COL5A1: variants seen among roughly 807,000 people sequenced by gnomAD.
COL5A1 encodes collagen alpha-1(V) chain.
In COL5A1, 16 loss-of-function variants were observed where a neutral mutation model predicts 263.7. The observed-to-expected ratio is 0.06, with a 90% CI of 0.04 to 0.09. The LOEUF (loss-of-function observed/expected upper bound fraction) is 0.09. Among genes scored for constraint, COL5A1 ranks in the 10% least tolerant of loss-of-function variants. The pLI, the probability that COL5A1 is intolerant of heterozygous loss-of-function variation, is 1.00. For missense variants in COL5A1, 2,036 were observed against 2,540.5 expected (o/e 0.80, Z 4.27); for synonymous variants, 1,012 against 1,004.5 (o/e 1.01, Z -0.14).
intron 4 of COL5A1, among the ~76,000 whole-genome samples, chr9:134,724,854 C>T (rs1025904103): frequency 7.9e-5 from 12 of 152,072 alleles, no homozygotes; most frequent in African/African-American, 2.2e-4. Context: ...GTGAAGGTTC[C>T]GATGAACCAG....
At position 134,700,204 on chromosome 9, in the gene COL5A1, C is replaced by T. The variant is rs534959725; in HGVS notation, c.491+82C>T. 4.5e-6 allele frequency: 6 copies of T among 1,334,294 alleles called. No homozygotes were observed. In the Admixed American group the frequency reaches 9.2e-5, roughly 20 times the overall value. 82.7% of individuals were successfully genotyped at this position (1,334,294 alleles called of 1,614,324 possible). On this transcript the variant is annotated intron_variant, in intron 3 of 65. Coordinates refer to ENST00000371817, the MANE Select transcript of COL5A1 (RefSeq NM_000093.5). This position sits in a 1 kb window ranked among gnomAD's most constrained non-coding sequence, Gnocchi z 4.0. ...CATACCACTGACCAGATGTGGGGCA[C>T]AGTAGAGGACGTGCAGCAGCCGGTA...
At chr9:134,810,406 G>A in intron 44 of COL5A1, 98 bp downstream of exon 44, 2 of 1,189,260 alleles carry the variant, frequency 1.7e-6, no homozygotes, top group Non-Finnish European at 2.5e-6. Flanking sequence ...TTCCAACGTT[G>A]CTGATGACTA....
At chr9:134,759,889 GCA>G (rs1182466684) in intron 18 of COL5A1, among the ~76,000 whole-genome samples, 17 of 60,862 alleles carry the variant, frequency 2.8e-4, no homozygotes, top group African/African-American at 9.0e-4. Flanking sequence ...CACCACACAG[GCA>G]CACACACACC....
At chr9:134,768,692 A>T (rs1289478509) in intron 25 of COL5A1, among the ~76,000 whole-genome samples, 1 of 152,196 alleles carries the variant, frequency 6.6e-6, no homozygotes, top group Non-Finnish European at 1.5e-5. Context: ...GCGAGTAGGA[A>T]TATTAGCTAT....
intron 2 of COL5A1, among the ~76,000 whole-genome samples, chr9:134,697,297 T>C (rs1305030486): frequency 6.6e-6 from 1 of 152,208 alleles, no homozygotes; most frequent in African/African-American, 2.4e-5. Flanking sequence ...GAGAGATTAA[T>C]GTTAAACATA....
Position 134,795,848 on chromosome 9 carries a change from G to T in COL5A1, c.2800-526G>T, listed in dbSNP as rs185675772. On this transcript the variant is annotated intron_variant, in intron 34 of 65. Transcript: ENST00000371817. ...CCTGTCCAGGATGCCACTCCAGAGC[G>T]GGTTCCTGCTGGGATGAGTCTTCCA... 1.0e-3 allele frequency among the ~76,000 whole-genome samples: 153 copies of T among 152,372 alleles called. 1 individual carries two copies. The highest frequency in any genetic ancestry group is 3.4e-3 in the Middle Eastern group (1 of 294).
At chr9:134,753,569 A>G (rs1447299055) in intron 14 of COL5A1, among the ~76,000 whole-genome samples, 1 of 152,182 alleles carries the variant, frequency 6.6e-6, no homozygotes, top group Non-Finnish European at 1.5e-5. Flanking sequence ...CACCCCGGAG[A>G]GAGAAACATC....
intron 19 of COL5A1, 124 bp downstream of exon 19, chr9:134,762,102 G>C (rs1836470434): frequency 1.0e-6 from 1 of 953,906 alleles, no homozygotes; most frequent in Non-Finnish European, 1.7e-6. Context: ...GGGCCAGCTG[G>C]GAGAAGGCAG....
intron 6 of COL5A1, among the ~76,000 whole-genome samples, chr9:134,729,573 C>T (rs145384530): frequency 0.22 from 10,804 of 48,258 alleles, 709 homozygotes; most frequent in East Asian, 0.33. Context: ...TGTGTGTGAG[C>T]GTGTGTGAGC....
In COL5A1 at chr9:134,842,309, G is replaced by T; in HGVS notation, c.*6G>T. ...CGGCTTGCTTCATGGGCTAGGAGCC[G>T]CCGAGCCCGGGCTCCCGAGAGCAAC... On this transcript the variant is annotated 3_prime_UTR_variant, in exon 66 of 66. Coordinates refer to ENST00000371817, the MANE Select transcript of COL5A1 (RefSeq NM_000093.5). The surrounding 1 kb of genome is among the most constrained non-coding windows in gnomAD (Gnocchi z 5.8). The T allele has an allele frequency of 6.2e-7, 1 of 1,613,984 alleles. No homozygotes were observed. Among genetic ancestry groups the T allele is most frequent in the Non-Finnish European group, 8.5e-7 (1 of 1,179,966 alleles).
At chr9:134,800,404 C>T (rs1395476551) in intron 37 of COL5A1, among the ~76,000 whole-genome samples, 1 of 152,180 alleles carries the variant, frequency 6.6e-6, no homozygotes, top group Non-Finnish European at 1.5e-5. Context: ...TTCTAGCCCA[C>T]AGCTGAGCTG....
chr9:134,740,534 A>G (rs75597835), intron 11 of COL5A1, among the ~76,000 whole-genome samples: 2,793 of 152,342 alleles, frequency 0.018, 101 homozygotes, highest in African/African-American at 0.062. Context: ...CGGTTGACAC[A>G]CAGGGCACCC....
Position 134,647,637 on chromosome 9 carries a change from G to A in COL5A1, c.109+5341G>A, listed in dbSNP as rs112957461. ...CGGCCCCAGCTGGACGGGAGAGGAGGAGATGGCACGTGGAACCTGCCGGTT... is the reference window on the plus strand; with the variant it reads ...CGGCCCCAGCTGGACGGGAGAGGAGAAGATGGCACGTGGAACCTGCCGGTT... On this transcript the variant is annotated intron_variant, in intron 1 of 65. Coordinates refer to ENST00000371817, the MANE Select transcript of COL5A1 (RefSeq NM_000093.5). This position sits in a 1 kb window ranked among gnomAD's most constrained non-coding sequence, Gnocchi z 5.0. 4.2e-3 allele frequency among the ~76,000 whole-genome samples: 640 copies of A among 152,350 alleles called. 3 individuals are homozygous for A. Among genetic ancestry groups the A allele is most frequent in the Admixed American group, 8.2e-3 (125 of 15,314 alleles).
chr9:134,711,801 C>G (rs997620246), intron 4 of COL5A1, among the ~76,000 whole-genome samples: 3 of 152,068 alleles, frequency 2.0e-5, no homozygotes, highest in Admixed American at 2.0e-4. Flanking sequence ...TGATCCAAAT[C>G]CCCGCTCTTC....
rs138850696 is a variant in COL5A1 at position 134,811,305 on chromosome 9, G to A, written c.3529-34G>A. ...TCCCTCAGCCTTATCCACGATCCAA[G>A]AAGCTACCTATGTCTCTGTCTTGTT... is the stretch of plus-strand genomic sequence containing the variant. On this transcript the variant is annotated intron_variant, in intron 44 of 65. Coordinates refer to ENST00000371817, the MANE Select transcript of COL5A1 (RefSeq NM_000093.5). 45 of 1,609,340 alleles carry A rather than the reference G, an allele frequency of 2.8e-5. No individual in the cohort carries two copies. The African/African-American group carries it at 2.9e-4, about 10-fold the overall frequency.
chr9:134,766,373 A>T, intron 21 of COL5A1, 81 bp from the exon 22 acceptor site: 1 of 1,398,080 alleles, frequency 7.2e-7, no homozygotes, highest in Non-Finnish European at 1.0e-6. Context: ...GTCTGAGCTG[A>T]GTTGAGTGGG....
In COL5A1 at chr9:134,814,097, G is replaced by A. The variant is rs1323376125; in HGVS notation, c.3906+61G>A. On this transcript the variant is annotated intron_variant, in intron 49 of 65. Transcript: ENST00000371817. ...GGCCGAGCGGGTGTGTGGACGGGGTGCTGGGTTGGAGGCTCTGGCTCTGCC... is the reference window on the plus strand; with the variant it reads ...GGCCGAGCGGGTGTGTGGACGGGGTACTGGGTTGGAGGCTCTGGCTCTGCC... 2.2e-5 allele frequency: 34 copies of A among 1,511,560 alleles called. No individual in the cohort carries two copies. The Admixed American group carries it at 6.1e-4, about 27-fold the overall frequency. 93.6% of individuals were successfully genotyped at this position (1,511,560 alleles called of 1,614,324 possible).
chr9:134,778,540 G>A (rs1444304923), intron 27 of COL5A1, among the ~76,000 whole-genome samples: 1 of 152,224 alleles, frequency 6.6e-6, no homozygotes, highest in Non-Finnish European at 1.5e-5. Context: ...CGGCCTCCCT[G>A]CTTGGGCCAG....
At chr9:134,799,008 C>A (rs1455544613) in intron 37 of COL5A1, among the ~76,000 whole-genome samples, 1 of 152,212 alleles carries the variant, frequency 6.6e-6, no homozygotes, top group Non-Finnish European at 1.5e-5. Flanking sequence ...TCCAGGGGGT[C>A]TGGAGGATGC....
Sources: gnomAD v4.1 joint callset for allele counts (sites outside exome capture counted in the v4.1 genomes callset) on GRCh38, gnomAD v4.1.1 for gene constraint, Gnocchi (gnomAD v3.1) non-coding constraint, MANE v1.5 for transcripts, NCBI Gene and HGNC (gene_info 2026-07-23, HGNC 2026-07-21) for gene names.